The following JMJD1C variants were observed in gnomAD, a reference collection of about 807,000 sequenced individuals.
JMJD1C encodes jumonji domain-containing protein 1C.
JMJD1C carries 31 observed loss-of-function variants against 245.3 expected under a neutral mutation model. The ratio of observed to expected loss-of-function variants is 0.13; its 90% CI spans 0.09 to 0.17. The LOEUF (loss-of-function observed/expected upper bound fraction) is 0.17. Among genes scored for constraint, JMJD1C ranks in the 10% least tolerant of loss-of-function variants. The probability of loss-of-function intolerance (pLI) is 1.00; values close to 1 mark genes in which losing one functional copy is unlikely to be tolerated. For missense variants in JMJD1C, 2,691 were observed against 3,000.2 expected, an observed-to-expected ratio of 0.90 and a Z score of 2.41; for synonymous variants, 1,057 against 1,017.4, an observed-to-expected ratio of 1.04 and a Z score of -0.74.
chr10:63,501,166 G>C (rs1216650377), intron 1 of JMJD1C, among the ~76,000 whole-genome samples: 1 of 152,098 alleles, frequency 6.6e-6, no homozygotes, highest in Non-Finnish European at 1.5e-5. Context: ...CAGGACACAT[G>C]AATGTCCATA....
chr10:63,504,560 A>G (rs1954660200), intron 1 of JMJD1C, among the ~76,000 whole-genome samples: 1 of 152,202 alleles, frequency 6.6e-6, no homozygotes, highest in South Asian at 2.1e-4. Context: ...GTGGGCCAGG[A>G]GGATAATGAT....
chr10:63,352,768 G>T (rs1944472037), intron 2 of JMJD1C, among the ~76,000 whole-genome samples: 1 of 152,136 alleles, frequency 6.6e-6, no homozygotes, highest in African/African-American at 2.4e-5. Flanking sequence ...AAATGCATAG[G>T]TATGCGTAGT....
At chr10:63,489,175 G>A (rs988352806) in intron 1 of JMJD1C, among the ~76,000 whole-genome samples, 10 of 152,148 alleles carry the variant, frequency 6.6e-5, no homozygotes, top group African/African-American at 2.2e-4. Context: ...TGAGGCAGGC[G>A]GATCACCTGA....
chr10:63,511,672 G>A (rs569285762), intron 1 of JMJD1C, among the ~76,000 whole-genome samples: 8 of 151,774 alleles, frequency 5.3e-5, no homozygotes, highest in South Asian at 4.2e-4. Context: ...TGCTGAGATC[G>A]CACCACTGCA....
chr10:63,309,858 C>T (rs914350670), intron 2 of JMJD1C, among the ~76,000 whole-genome samples: 4 of 151,452 alleles, frequency 2.6e-5, no homozygotes, highest in African/African-American at 9.7e-5. Context: ...TGGAGGTTGC[C>T]GTGAGCCAAG....
intron 1 of JMJD1C, among the ~76,000 whole-genome samples, chr10:63,420,901 T>C (rs1564901882): frequency 1.3e-5 from 2 of 151,532 alleles, no homozygotes; most frequent in African/African-American, 2.4e-5. Flanking sequence ...ACAAACATTG[T>C]ATAATGGAGA....
chr10:63,282,384 TAAC>T (rs1225418272), intron 2 of JMJD1C, among the ~76,000 whole-genome samples: 2 of 152,192 alleles, frequency 1.3e-5, no homozygotes, highest in East Asian at 1.9e-4. Flanking sequence ...GGTAAAGTAA[TAAC>T]AAAGTAATCC....
At chr10:63,503,911 T>C (rs1954638533) in intron 1 of JMJD1C, among the ~76,000 whole-genome samples, 1 of 152,208 alleles carries the variant, frequency 6.6e-6, no homozygotes, top group African/African-American at 2.4e-5. Flanking sequence ...TTTTGATAGA[T>C]TAAGCAGTAT....
chr10:63,264,579 T>C (rs923709518), intron 3 of JMJD1C, 72 bp downstream of exon 3: 2 of 699,622 alleles, frequency 2.9e-6, no homozygotes, highest in African/African-American at 3.7e-5. Flanking sequence ...AAGAATATTG[T>C]TTAAAGAATG....
chr10:63,177,544 T>G, intron 23 of JMJD1C, 173 bp downstream of exon 23: 1 of 649,908 alleles, frequency 1.5e-6, no homozygotes, highest in South Asian at 1.9e-5. Flanking sequence ...GTTAACAGAC[T>G]TTCAAAGAGG....
chr10:63,469,662 A>G (rs1044656939), upstream of JMJD1C, among the ~76,000 whole-genome samples: 1 of 152,214 alleles, frequency 6.6e-6, no homozygotes, highest in Non-Finnish European at 1.5e-5. Flanking sequence ...GGAACTATCA[A>G]TAGAATTTCA....
At position 63,269,178 on chromosome 10, in the gene JMJD1C, A is replaced by T. The variant is rs916136778; in HGVS notation, c.334-4414T>A. 7.1e-6 allele frequency: 7 copies of T among 985,342 alleles called. No homozygotes were observed. The African/African-American group carries it at 1.2e-4, about 17-fold the overall frequency. The allele number at this position is 985,342 out of a possible 1,614,324, so 61.0% of individuals were successfully genotyped here. ...CACTGTACTCTGTCTGCGTGGAAAC[A>T]CAGTGCAGTAGCTTCCAACAGTGCA... On this transcript the variant is annotated intron_variant, in intron 2 of 25. Coordinates refer to ENST00000399262, the MANE Select transcript of JMJD1C (RefSeq NM_032776.3).
In JMJD1C at chr10:63,214,964, C is replaced by T; in HGVS notation, c.1203G>A (p.Leu401=). Residue 401 remains leucine, a synonymous_variant, in exon 8 of 26, where the codon TTG becomes TTA. Transcript: ENST00000399262. ...TTATTTTTGAAGTATTTTTATTTTT[C>T]AATTCATTCTCTGGCTTCTGTTCTG... is the stretch of plus-strand genomic sequence containing the variant. ...NSSEQKPENE[L]KNKNTSKING... 1 of 1,599,174 alleles carries T rather than the reference C, an allele frequency of 6.3e-7. No individual in the cohort carries two copies. Among genetic ancestry groups the T allele is most frequent in the Non-Finnish European group, 8.5e-7 (1 of 1,173,050 alleles).
In JMJD1C at chr10:63,213,634, G is replaced by T. The variant is rs35718351; in HGVS notation, c.2533C>A (p.Leu845Ile). ...GAAGCAGAAGGATGGGCTTGTCCAA[G>T]AAGATGAGGTGACTGGTGCTGTAAC... ...QLLQHQSPHL[L>I]GQAHPSASYN... The change falls in exon 8 of 26, where the codon CTT (leucine) becomes ATT (isoleucine). Residue 845 changes from leucine to isoleucine, a missense_variant. Leu to Ile is a conservative substitution (Grantham distance 5). This residue lies in a region of JMJD1C where 1,562 missense variants were observed against 1,490.7 expected (regional missense o/e 1.05). Transcript: ENST00000399262. The T allele has an allele frequency of 1.9e-6, 3 of 1,614,214 alleles. No homozygotes were observed. Among genetic ancestry groups the T allele is most frequent in the Non-Finnish European group, 2.5e-6 (3 of 1,180,018 alleles).
In JMJD1C at chr10:63,268,765, A is replaced by G. The variant is rs892609957; in HGVS notation, c.334-4001T>C. 3.7e-5 allele frequency: 36 copies of G among 985,394 alleles called. No individual in the cohort carries two copies. The African/African-American group carries it at 6.3e-4, about 17-fold the overall frequency. 61.0% of individuals were successfully genotyped at this position (985,394 alleles called of 1,614,324 possible). Reference sequence around the variant, plus strand: ...TGAAATTTCTATTTTGTTCTGGAAGAGTATCTAGTGTAAATACTTCTTTAG... The same window carrying G: ...TGAAATTTCTATTTTGTTCTGGAAGGGTATCTAGTGTAAATACTTCTTTAG... On this transcript the variant is annotated intron_variant, in intron 2 of 25. Coordinates refer to ENST00000399262, the MANE Select transcript of JMJD1C (RefSeq NM_032776.3).
At chr10:63,497,163 TTA>T (rs1177712615) in intron 1 of JMJD1C, among the ~76,000 whole-genome samples, 1 of 152,012 alleles carries the variant, frequency 6.6e-6, no homozygotes, top group Non-Finnish European at 1.5e-5. Flanking sequence ...TTGATTAATC[TTA>T]GTTTACTTAA....
chr10:63,257,600 C>A lies in JMJD1C; in HGVS notation c.447+7051G>T, dbSNP rs530577703. 8.5e-5 allele frequency among the ~76,000 whole-genome samples: 13 copies of A among 152,188 alleles called. 1 individual carries two copies. Among genetic ancestry groups the A allele is most frequent in the African/African-American group, 3.1e-4 (13 of 41,532 alleles). ...TACAAAGTGTCTTCCCAGAGCCAAA[C>A]AAAGAAAAATAATTTTGTACCTTAT... On this transcript the variant is annotated intron_variant, in intron 3 of 25. Transcript: ENST00000399262.
Position 63,426,544 on chromosome 10 carries a change from G to A in JMJD1C, c.168+38951C>T, listed in dbSNP as rs142888237. Among the ~76,000 whole-genome samples the A allele has an allele frequency of 5.0e-3, 763 of 152,144 alleles. 7 individuals carry two copies. Among genetic ancestry groups the A allele is most frequent in the African/African-American group, 0.017 (713 of 41,494 alleles). The stretch of plus-strand genomic sequence containing the variant: ...AAATTAGCTGGGCGTGGTGGTGCGC[G>A]CCTGTAATCTCAGCTACCCAGGAGG... On this transcript the variant is annotated intron_variant, in intron 1 of 25. Transcript: ENST00000399262.
At chr10:63,186,465 G>T in intron 18 of JMJD1C, 82 bp from the exon 19 acceptor site, 1 of 1,179,842 alleles carries the variant, frequency 8.5e-7, no homozygotes, top group Non-Finnish European at 1.2e-6. Context: ...TTGAGACAGA[G>T]TCTTGCTCTC....
Sources: allele counts gnomAD v4.1 joint callset (sites outside exome capture counted in the v4.1 genomes callset), GRCh38; gene constraint gnomAD v4.1.1; regional missense constraint gnomAD v4.1.1; transcripts MANE v1.5; gene names NCBI Gene and HGNC (gene_info 2026-07-23, HGNC 2026-07-21).